The following AGTPBP1 variants were observed in gnomAD, a reference collection of about 807,000 sequenced individuals.
AGTPBP1 encodes the protein ATP/GTP binding carboxypeptidase 1.
AGTPBP1 carries 70 observed loss-of-function variants against 143.9 expected under a neutral mutation model. That is an observed-to-expected ratio of 0.49 (90% CI 0.40 to 0.59). The LOEUF is 0.59. AGTPBP1 is among the 20% of genes least tolerant of loss of function. AGTPBP1 has a pLI of 0.00. For synonymous variants in AGTPBP1, 463 were observed against 500.2 expected, an observed-to-expected ratio of 0.93 and a Z score of 0.99; for missense variants, 1,229 against 1,464.5, an observed-to-expected ratio of 0.84 and a Z score of 2.62.
intron 25 of AGTPBP1, among the ~76,000 whole-genome samples, chr9:85,566,278 G>C (rs1056814247): frequency 1.3e-5 from 2 of 152,072 alleles, no homozygotes; most frequent in Non-Finnish European, 2.9e-5. Flanking sequence ...CCAGCAGTTT[G>C]GGAGGCCGAG....
At chr9:85,573,696 A>G (rs1383542820) in intron 25 of AGTPBP1, among the ~76,000 whole-genome samples, 3 of 143,334 alleles carry the variant, frequency 2.1e-5, no homozygotes, top group Non-Finnish European at 4.5e-5. Context: ...TCTAGGAAGT[A>G]AGGAGCGTCT....
the AGTPBP1 span, among the ~76,000 whole-genome samples, chr9:85,779,528 G>A: frequency 6.6e-6 from 1 of 152,026 alleles, no homozygotes; most frequent in African/African-American, 2.4e-5. Flanking sequence ...CTGATGAGAT[G>A]GTTCTCACCA....
chr9:85,688,102 AAAAAAAAAAAAAAAAAAAGGC>A (rs1415114099), intron 3 of AGTPBP1, among the ~76,000 whole-genome samples: 1 of 147,732 alleles, frequency 6.8e-6, no homozygotes, highest in Non-Finnish European at 1.5e-5. Flanking sequence ...AAATTAAAAA[AAAAAAAAAAAAAAAAAAAGGC>A]AAAAAAAAGA....
At chr9:85,634,900 G>C (rs1172993018) in intron 13 of AGTPBP1, among the ~76,000 whole-genome samples, 1 of 152,068 alleles carries the variant, frequency 6.6e-6, no homozygotes, top group African/African-American at 2.4e-5. Context: ...CTATACATAA[G>C]AGTATCTATT....
intron 1 of AGTPBP1, among the ~76,000 whole-genome samples, chr9:85,735,295 T>C (rs1462057681): frequency 3.3e-5 from 5 of 152,228 alleles, no homozygotes; most frequent in African/African-American, 1.2e-4. Context: ...CGCTGTATGA[T>C]TGATTCCACT....
chr9:85,633,330 C>T lies in AGTPBP1; in HGVS notation c.1347G>A (p.Glu449=), dbSNP rs1292379737. 3 of 1,595,386 alleles carry T rather than the reference C, an allele frequency of 1.9e-6. No individual in the cohort carries two copies. The highest frequency in any genetic ancestry group is 1.7e-6 in the Non-Finnish European group (2 of 1,175,120). Residue 449 remains glutamate (E), a synonymous_variant, in exon 14 of 26, where the codon GAG becomes GAA. Coordinates refer to ENST00000357081, the MANE Select transcript of AGTPBP1 (RefSeq NM_001330701.2). ...ISKEPKPFVF[E]GKVRGPIVVP... ...CAACAATAGGACCACGTACTTTTCC[C>T]TCAAATACAAAAGGCTTTGGTTCTT...
the AGTPBP1 span, among the ~76,000 whole-genome samples, chr9:85,792,849 G>GT: frequency 1.6e-4 from 25 of 152,184 alleles, no homozygotes; most frequent in South Asian, 8.3e-4. Context: ...TTATAAGTAG[G>GT]TTTTCCATAC....
At chr9:85,630,407 T>C (rs1336817025) in intron 14 of AGTPBP1, among the ~76,000 whole-genome samples, 1 of 152,108 alleles carries the variant, frequency 6.6e-6, no homozygotes, top group Non-Finnish European at 1.5e-5. Context: ...TATTTAGTTA[T>C]TTATTTATTG....
chr9:85,674,137 AAAAGACTTAAAC>A (rs1358801308), intron 6 of AGTPBP1, among the ~76,000 whole-genome samples: 1 of 151,440 alleles, frequency 6.6e-6, no homozygotes, highest in African/African-American at 2.4e-5. Flanking sequence ...AAAAAAAAAA[AAAAGACTTAAAC>A]AAAGTAAATA....
At chr9:85,773,067 C>T in the AGTPBP1 span, among the ~76,000 whole-genome samples, 1 of 151,788 alleles carries the variant, frequency 6.6e-6, no homozygotes, top group Admixed American at 6.6e-5. Context: ...AGATCGAGAC[C>T]ATCCTAGCTA....
chr9:85,713,080 C>T (rs1837483102), intron 1 of AGTPBP1, among the ~76,000 whole-genome samples: 1 of 152,196 alleles, frequency 6.6e-6, no homozygotes, highest in Non-Finnish European at 1.5e-5. Flanking sequence ...TATGTTTAAA[C>T]AACCTTAAAT....
At chr9:85,561,602 GATCTC>G (rs1272698491) in intron 25 of AGTPBP1, among the ~76,000 whole-genome samples, 2 of 151,938 alleles carry the variant, frequency 1.3e-5, no homozygotes, top group African/African-American at 4.8e-5. Flanking sequence ...AAAGAAAAAT[GATCTC>G]AGATAAAACC....
intron 2 of AGTPBP1, among the ~76,000 whole-genome samples, chr9:85,705,792 G>A (rs1229206801): frequency 4.6e-5 from 7 of 152,046 alleles, no homozygotes; most frequent in Admixed American, 2.6e-4. Flanking sequence ...CCGGGTTCAC[G>A]CTATTCTCCT....
chr9:85,653,885 G>T lies in AGTPBP1; in HGVS notation c.1087+1258C>A, dbSNP rs1248318077. 2.0e-5 allele frequency among the ~76,000 whole-genome samples: 3 copies of T among 152,252 alleles called. No individual in the cohort carries two copies. In the East Asian group the frequency reaches 5.8e-4, roughly 29 times the overall value. ...GTAATTTCAAATGGAATGGGAAAAG[G>T]GTATTGGACCACTGCTTTTACTTAG... On this transcript the variant is annotated intron_variant, in intron 11 of 25. Transcript: ENST00000357081.
intron 13 of AGTPBP1, among the ~76,000 whole-genome samples, chr9:85,642,241 A>C (rs1832522956): frequency 6.6e-6 from 1 of 152,154 alleles, no homozygotes. Context: ...AATCAACTTG[A>C]CTTGCTCTGT....
the AGTPBP1 span, among the ~76,000 whole-genome samples, chr9:85,796,764 T>C: frequency 2.6e-5 from 4 of 152,186 alleles, no homozygotes; most frequent in Admixed American, 2.6e-4. Context: ...AATATATACA[T>C]CTACTGTGTA....
chr9:85,675,148 G>A (rs910376127), intron 6 of AGTPBP1, among the ~76,000 whole-genome samples: 1 of 151,806 alleles, frequency 6.6e-6, no homozygotes, highest in African/African-American at 2.4e-5. Context: ...TGCCCACCTT[G>A]GCCTCTCAAA....
intron 1 of AGTPBP1, chr9:85,741,415 G>A: frequency 1.0e-6 from 1 of 985,274 alleles, no homozygotes; most frequent in Non-Finnish European, 1.2e-6. Context: ...GACTCCCCGC[G>A]GCGCCGCGAG....
intron 21 of AGTPBP1, among the ~76,000 whole-genome samples, chr9:85,587,216 A>G (rs1387079648): frequency 6.6e-6 from 1 of 152,178 alleles, no homozygotes; most frequent in East Asian, 1.9e-4. Flanking sequence ...CATAATCAAA[A>G]TTTTCAAAGT....
Sources: allele counts gnomAD v4.1 joint callset (sites outside exome capture counted in the v4.1 genomes callset), GRCh38; gene constraint gnomAD v4.1.1; transcripts MANE v1.5; gene names NCBI Gene and HGNC (gene_info 2026-07-23, HGNC 2026-07-21).